Variants in AZI2 observed in about 807,000 individuals in gnomAD.
AZI2 encodes the protein 5-azacytidine-induced protein 2.
Under a neutral mutation model 45.8 loss-of-function variants are expected in AZI2, and 22 were observed. The observed-to-expected ratio is 0.48, with a 90% confidence interval of 0.34 to 0.69. The LOEUF (loss-of-function observed/expected upper bound fraction) is 0.69. AZI2 is among the 30% of genes least tolerant of loss of function. AZI2 has a pLI of 0.01. For missense variants in AZI2, 417 were observed against 441.5 expected, an observed-to-expected ratio of 0.94 and a Z score of 0.50; for synonymous variants, 137 against 156.7, an observed-to-expected ratio of 0.87 and a Z score of 0.94.
rs781104716 is a variant in AZI2, at chr3:28,340,474, G to A, written c.144C>T (p.Ile48=). 1.9e-6 allele frequency: 3 copies of A among 1,611,426 alleles called. No homozygotes were observed. The South Asian group carries it at 3.3e-5, about 18-fold the overall frequency. ...HFALVTAYED[I]KKRLKDSEKE... The stretch of plus-strand genomic sequence containing the variant: ...TCTCTGAATCCTTAAGTCGTTTTTT[G>A]ATGTCTTCATATGCAGTGACAAGAG... Residue 48 remains isoleucine (I), a synonymous_variant, in exon 2 of 8, where the codon ATC becomes ATT. Transcript: ENST00000479665.
Position 28,326,812 on chromosome 3 carries a change from T to G in AZI2, c.766+20A>C, listed in dbSNP as rs1703407657. The G allele has an allele frequency of 6.4e-7, 1 of 1,562,996 alleles. No individual in the cohort carries two copies. The highest frequency in any genetic ancestry group is 1.7e-5 in the Admixed American group (1 of 59,630). On this transcript the variant is annotated intron_variant, in intron 7 of 7. Transcript: ENST00000479665. The stretch of plus-strand genomic sequence containing the variant: ...GGCAGTTTGGCTGGAATCAGTGGTT[T>G]CCGGTAAACAGTGACTTGCCTTTCT...
intron 6 of AZI2, among the ~76,000 whole-genome samples, chr3:28,330,897 C>T (rs1228818030): frequency 6.6e-6 from 1 of 151,330 alleles, no homozygotes; most frequent in Non-Finnish European, 1.5e-5. Context: ...AAAAACTGTC[C>T]TCTGAATTGA....
At chr3:28,331,105 G>A (rs569411694) in intron 6 of AZI2, among the ~76,000 whole-genome samples, 1 of 151,356 alleles carries the variant, frequency 6.6e-6, no homozygotes, top group East Asian at 1.9e-4. Context: ...TAGTGGATAT[G>A]ACCCAAATTA....
intron 1 of AZI2, among the ~76,000 whole-genome samples, chr3:28,340,875 A>G (rs1205875562): frequency 6.6e-6 from 1 of 152,014 alleles, no homozygotes; most frequent in Non-Finnish European, 1.5e-5. Context: ...ATATTAAATT[A>G]TATCTATAAA....
rs1235744672 is a variant in AZI2 at position 28,348,582 on chromosome 3, TC to T, written c.-6+18del. On this transcript the variant is annotated intron_variant, in intron 1 of 7. Coordinates refer to ENST00000479665, the MANE Select transcript of AZI2 (RefSeq NM_022461.5). ...TGCCCGCATCCCTATCCTCCACCCGTCCCTGGCGAGTCACTCACCCAGAAGC... is the reference window on the plus strand; with the variant it reads ...TGCCCGCATCCCTATCCTCCACCCGTCCTGGCGAGTCACTCACCCAGAAGC... 6.6e-6 allele frequency: 1 copy of T among 152,626 alleles called. No homozygotes were observed. The highest frequency in any genetic ancestry group is 2.4e-5 in the African/African-American group (1 of 41,418). The allele number at this position is 152,626 out of a possible 1,614,324, so 9.5% of individuals were successfully genotyped here.
chr3:28,324,102 G>T lies in AZI2; in HGVS notation c.1119C>A (p.Pro373=). 6.2e-7 allele frequency: 1 copy of T among 1,610,128 alleles called. No individual in the cohort carries two copies. The highest frequency in any genetic ancestry group is 8.5e-7 in the Non-Finnish European group (1 of 1,177,296). Reference sequence around the variant, plus strand: ...CCAAGTAATGCAGTGGTGGAAGGTTGGGTAAAGGCAAAGTTTTAGTTTTAG... The same window carrying T: ...CCAAGTAATGCAGTGGTGGAAGGTTTGGTAAAGGCAAAGTTTTAGTTTTAG... The part of the protein sequence containing the change: ...GETKTKTLPL[P]NLPPLHYLDQ... The change falls in exon 8 of 8, where the codon CCC becomes CCA. Residue 373 remains proline, a synonymous_variant. Coordinates refer to ENST00000479665, the MANE Select transcript of AZI2 (RefSeq NM_022461.5).
At chr3:28,331,574 T>A in intron 6 of AZI2, 1 of 984,222 alleles carries the variant, frequency 1.0e-6, no homozygotes, top group South Asian at 3.7e-5. Flanking sequence ...CCTCAAATTG[T>A]TTTTCCTAAT....
intron 6 of AZI2, among the ~76,000 whole-genome samples, chr3:28,329,237 G>C (rs973639200): frequency 1.3e-5 from 2 of 151,130 alleles, no homozygotes; most frequent in African/African-American, 4.8e-5. Flanking sequence ...TTGGTAAAGT[G>C]AGTAACCTCA....
chr3:28,340,368 C>T (rs1284660924), intron 2 of AZI2, 34 bp downstream of exon 2: 1 of 1,368,734 alleles, frequency 7.3e-7, no homozygotes, highest in East Asian at 2.4e-5. Flanking sequence ...TTCCTTATGT[C>T]ACAAACGCAA....
chr3:28,348,391 G>C (rs2125678555), intron 1 of AZI2: 1 of 152,596 alleles, frequency 6.6e-6, no homozygotes, highest in African/African-American at 2.4e-5. Context: ...CTGGGGGTGA[G>C]GGTGACAGGG....
At position 28,322,322 on chromosome 3, in the gene AZI2, A is replaced by T. The variant is rs936177853; in HGVS notation, c.*1720T>A. On this transcript the variant is annotated 3_prime_UTR_variant, in exon 8 of 8. Transcript: ENST00000479665. Reference sequence around the variant, plus strand: ...CCAACAATTAGTACTAGATTTTGAGATCTATAGGCAAGGACAATATTTCAC... The same window carrying T: ...CCAACAATTAGTACTAGATTTTGAGTTCTATAGGCAAGGACAATATTTCAC... 6 of 151,328 alleles carry T rather than the reference A, an allele frequency of 4.0e-5. No homozygotes were observed. Among genetic ancestry groups the T allele is most frequent in the African/African-American group, 9.7e-5 (4 of 41,356 alleles). 9.4% of individuals were successfully genotyped at this position (151,328 alleles called of 1,614,324 possible). A position where few individuals can be genotyped will look rare whatever the true frequency, so the allele number is the denominator to read the frequency against.
At chr3:28,331,680 A>T in intron 6 of AZI2, 1 of 1,291,804 alleles carries the variant, frequency 7.7e-7, no homozygotes, top group Non-Finnish European at 9.9e-7. Context: ...CAAATGATAA[A>T]ACAATGAAGT....
At chr3:28,337,350 G>GTC (rs113204958) in intron 4 of AZI2, among the ~76,000 whole-genome samples, 7,235 of 152,018 alleles carry the variant, frequency 0.048, 546 homozygotes, top group African/African-American at 0.16. Context: ...TAGCACCTCA[G>GTC]TCTCTCTAGC....
At position 28,337,998 on chromosome 3, in the gene AZI2, C is replaced by T; in HGVS notation, c.378G>A (p.Glu126=). The change falls in exon 4 of 8, where the codon GAG becomes GAA. Residue 126 remains glutamate, a synonymous_variant. Coordinates refer to ENST00000479665, the MANE Select transcript of AZI2 (RefSeq NM_022461.5). ...GTTCTACTTCTTTAGATTGTAGCTG[C>T]TCATTCAATACTTTCAAAGATTCAG... The part of the protein sequence containing the change: ...DNSESLKVLN[E]QLQSKEVELL... The T allele has an allele frequency of 3.8e-6, 6 of 1,597,682 alleles. No homozygotes were observed. Among genetic ancestry groups the T allele is most frequent in the Non-Finnish European group, 4.3e-6 (5 of 1,171,332 alleles).
intron 7 of AZI2, chr3:28,326,489 C>CTT (rs5847511): frequency 1.2e-3 from 175 of 142,176 alleles, no homozygotes; most frequent in Middle Eastern, 3.1e-3. Context: ...CTTTTGGTGT[C>CTT]TTTTTTTTTT....
At chr3:28,327,179 TATA>T (rs1468966346) in intron 6 of AZI2, among the ~76,000 whole-genome samples, 3 of 151,028 alleles carry the variant, frequency 2.0e-5, no homozygotes, top group African/African-American at 7.3e-5. Context: ...TATTAAACGG[TATA>T]ATAAAAATAA....
intron 5 of AZI2, among the ~76,000 whole-genome samples, chr3:28,334,464 C>A (rs938399052): frequency 2.0e-5 from 3 of 151,868 alleles, no homozygotes; most frequent in African/African-American, 7.2e-5. Flanking sequence ...TTGTTCATTT[C>A]TTTTAGTTGT....
chr3:28,331,378 A>G (rs1048519140), intron 6 of AZI2, among the ~76,000 whole-genome samples: 5 of 151,528 alleles, frequency 3.3e-5, no homozygotes, highest in Non-Finnish European at 7.4e-5. Context: ...AAAAAAAGAA[A>G]AAGTTTCCTT....
rs1457711479 is a variant in AZI2, at chr3:28,336,587, GTAGA to G, written c.588+146_588+149del. On this transcript the variant is annotated intron_variant, in intron 5 of 7. Coordinates refer to ENST00000479665, the MANE Select transcript of AZI2 (RefSeq NM_022461.5). ...AATTTTAGCAGAAATGCTTAAAGAG[GTAGA>G]TAAACAAGAATTTTTTAAGGAATAG... 2.6e-5 allele frequency: 20 copies of G among 774,962 alleles called. No individual in the cohort carries two copies. In the African/African-American group the frequency reaches 3.0e-4, roughly 12 times the overall value. 48.0% of individuals were successfully genotyped at this position (774,962 alleles called of 1,614,324 possible).
Sources: gnomAD v4.1 joint callset for allele counts (sites outside exome capture counted in the v4.1 genomes callset) on GRCh38, gnomAD v4.1.1 for gene constraint, MANE v1.5 for transcripts, NCBI Gene and HGNC (gene_info 2026-07-23, HGNC 2026-07-21) for gene names.